The following ENTREP2 variants were observed in gnomAD, a reference collection of about 807,000 sequenced individuals.
The protein encoded by ENTREP2 is protein ENTREP2.
the ENTREP2 span, among the ~76,000 whole-genome samples, chr15:29,372,248 A>G: frequency 3.3e-5 from 5 of 152,296 alleles, no homozygotes; most frequent in South Asian, 2.1e-4. Context: ...TACTCAACTG[A>G]TGACGATGAG....
At chr15:29,179,957 C>A in the ENTREP2 span, among the ~76,000 whole-genome samples, 29 of 151,966 alleles carry the variant, frequency 1.9e-4, no homozygotes, top group African/African-American at 6.8e-4. Context: ...GATGAATTTG[C>A]CCAAGGATGG....
the ENTREP2 span, among the ~76,000 whole-genome samples, chr15:29,568,384 T>C: frequency 2.0e-5 from 3 of 152,096 alleles, no homozygotes; most frequent in African/African-American, 7.2e-5. Context: ...CTCAGAATCA[T>C]AGGAAGCTAG....
chr15:29,514,171 C>G, the ENTREP2 span, among the ~76,000 whole-genome samples: 1 of 152,164 alleles, frequency 6.6e-6, no homozygotes, highest in Admixed American at 6.5e-5. Context: ...GACAACAGAT[C>G]TCTAGAACTT....
chr15:29,182,499 C>T, the ENTREP2 span, among the ~76,000 whole-genome samples: 1 of 151,970 alleles, frequency 6.6e-6, no homozygotes, highest in Non-Finnish European at 1.5e-5. Flanking sequence ...ATATATTTAA[C>T]GTAAGTTGAT....
chr15:29,640,143 A>T, the ENTREP2 span, among the ~76,000 whole-genome samples: 7,960 of 152,196 alleles, frequency 0.052, 238 homozygotes, highest in South Asian at 0.065. Flanking sequence ...AAGAGAGAGA[A>T]ATCAAATTAC....
At chr15:29,478,021 T>TA in the ENTREP2 span, among the ~76,000 whole-genome samples, 37 of 92,446 alleles carry the variant, frequency 4.0e-4, no homozygotes, top group South Asian at 8.3e-4. Context: ...ATATATATAT[T>TA]TTTTTTTTTT....
chr15:29,500,696 A>G, the ENTREP2 span, among the ~76,000 whole-genome samples: 1 of 152,008 alleles, frequency 6.6e-6, no homozygotes, highest in African/African-American at 2.4e-5. Context: ...CTTCCACCAT[A>G]AGAAACTTAA....
At chr15:29,441,992 C>T in the ENTREP2 span, among the ~76,000 whole-genome samples, 1 of 152,182 alleles carries the variant, frequency 6.6e-6, no homozygotes, top group Non-Finnish European at 1.5e-5. Context: ...CAGCCAATAC[C>T]AACCCAGTTC....
the ENTREP2 span, among the ~76,000 whole-genome samples, chr15:29,616,224 T>C: frequency 6.6e-6 from 1 of 152,332 alleles, no homozygotes; most frequent in Admixed American, 6.5e-5. Context: ...TTACCCTTTA[T>C]AAAAAGCTCC....
At chr15:29,243,710 T>A in the ENTREP2 span, among the ~76,000 whole-genome samples, 2 of 152,156 alleles carry the variant, frequency 1.3e-5, no homozygotes, top group Admixed American at 6.5e-5. Flanking sequence ...TAAAAGAATA[T>A]TATCTGTAGC....
At chr15:29,527,748 A>T in the ENTREP2 span, among the ~76,000 whole-genome samples, 1 of 152,056 alleles carries the variant, frequency 6.6e-6, no homozygotes, top group Non-Finnish European at 1.5e-5. Context: ...ACACACACAC[A>T]ACACACAAGG....
the ENTREP2 span, among the ~76,000 whole-genome samples, chr15:29,490,814 G>C: frequency 6.6e-6 from 1 of 152,206 alleles, no homozygotes; most frequent in Admixed American, 6.5e-5. Context: ...GCTTCCGCTA[G>C]TGGATCCCGT....
the ENTREP2 span, among the ~76,000 whole-genome samples, chr15:29,346,215 A>G: frequency 6.6e-6 from 1 of 152,180 alleles, no homozygotes; most frequent in Admixed American, 6.5e-5. Context: ...CTAAGAACAA[A>G]GTCAGACAAA....
the ENTREP2 span, among the ~76,000 whole-genome samples, chr15:29,131,348 C>G: frequency 6.6e-6 from 1 of 151,878 alleles, no homozygotes; most frequent in African/African-American, 2.4e-5. Flanking sequence ...CTCACAACTC[C>G]TTGTCTCGCA....
the ENTREP2 span, among the ~76,000 whole-genome samples, chr15:29,405,835 C>T: frequency 3.3e-5 from 5 of 152,368 alleles, no homozygotes; most frequent in East Asian, 9.6e-4. Context: ...TGTGCCCATG[C>T]TCCTGACCAG....
the ENTREP2 span, among the ~76,000 whole-genome samples, chr15:29,553,319 C>A: frequency 1.3e-5 from 2 of 152,056 alleles, no homozygotes; most frequent in Admixed American, 6.6e-5. Context: ...AACAAAAAAA[C>A]CTGTAAAGTT....
At chr15:29,441,612 T>C in the ENTREP2 span, among the ~76,000 whole-genome samples, 5 of 152,230 alleles carry the variant, frequency 3.3e-5, no homozygotes, top group Non-Finnish European at 2.9e-5. Flanking sequence ...TTTATGTACA[T>C]ATATGCATAT....
the ENTREP2 span, among the ~76,000 whole-genome samples, chr15:29,379,781 G>C: frequency 2.0e-5 from 3 of 152,162 alleles, no homozygotes; most frequent in Non-Finnish European, 4.4e-5. Flanking sequence ...GCCAGGGCTG[G>C]GGGTGGCGCG....
the ENTREP2 span, among the ~76,000 whole-genome samples, chr15:29,324,666 G>A: frequency 1.3e-4 from 20 of 152,218 alleles, no homozygotes; most frequent in African/African-American, 4.1e-4. Context: ...AGGTCAATAC[G>A]AGCATCCATA....
Sources: gnomAD v4.1 joint callset for allele counts (sites outside exome capture counted in the v4.1 genomes callset) on GRCh38, gnomAD v4.1.1 for gene constraint, MANE v1.5 for transcripts, NCBI Gene and HGNC (gene_info 2026-07-23, HGNC 2026-07-21) for gene names.